The following SOX5 variants were observed in gnomAD, a reference collection of about 807,000 sequenced individuals.
SOX5 encodes SRY-box transcription factor 5.
A neutral mutation model predicts 92.0 loss-of-function variants in SOX5; 9 were observed. The ratio of observed to expected loss-of-function variants is 0.10; its 90% CI spans 0.06 to 0.17. The LOEUF is 0.17. Among genes scored for constraint, SOX5 ranks in the 10% least tolerant of loss-of-function variants. The pLI is 1.00. For synonymous variants in SOX5, 344 were observed against 336.3 expected (o/e 1.02, Z -0.25); for missense variants, 642 against 944.5 (o/e 0.68, Z 4.20).
intron 4 of SOX5, among the ~76,000 whole-genome samples, chr12:24,194,453 G>A (rs960312576): frequency 6.7e-6 from 1 of 150,368 alleles, no homozygotes; most frequent in Non-Finnish European, 1.5e-5. Context: ...AGGTAGGTAG[G>A]TAGAGAGATA....
chr12:23,665,687 T>G (rs888422696), intron 6 of SOX5, 123 bp from the exon 7 acceptor site: 1 of 1,129,526 alleles, frequency 8.9e-7, no homozygotes, highest in Non-Finnish European at 1.2e-6. Flanking sequence ...GCATAGAAGC[T>G]TGCTGGGATA....
At chr12:24,391,233 G>A (rs898744287) in intron 1 of SOX5, among the ~76,000 whole-genome samples, 3 of 151,994 alleles carry the variant, frequency 2.0e-5, no homozygotes, top group South Asian at 2.1e-4. Context: ...TTTGAAAAAC[G>A]TTTCTTCATG....
At chr12:24,327,489 A>G (rs1483148955) in intron 2 of SOX5, among the ~76,000 whole-genome samples, 1 of 137,876 alleles carries the variant, frequency 7.3e-6, no homozygotes, top group Non-Finnish European at 1.5e-5. Context: ...GATCTCGGCT[A>G]ACTGCAACCT....
chr12:24,401,084 C>A (rs539551686), intron 1 of SOX5, among the ~76,000 whole-genome samples: 30 of 152,196 alleles, frequency 2.0e-4, no homozygotes, highest in South Asian at 4.1e-4. Context: ...CCAGGCACGG[C>A]GGCTCATGCT....
At chr12:23,660,925 T>C (rs2082952260) in intron 7 of SOX5, among the ~76,000 whole-genome samples, 1 of 152,176 alleles carries the variant, frequency 6.6e-6, no homozygotes, top group African/African-American at 2.4e-5. Context: ...CTCTAAAATT[T>C]TAAAATATCC....
At chr12:23,825,119 T>C (rs1020529670) in intron 3 of SOX5, among the ~76,000 whole-genome samples, 7 of 152,098 alleles carry the variant, frequency 4.6e-5, no homozygotes, top group Admixed American at 2.0e-4. Flanking sequence ...CTCTCTGGCA[T>C]TCCAGGTGCC....
intron 7 of SOX5, among the ~76,000 whole-genome samples, chr12:23,650,008 G>A (rs150980208): frequency 2.6e-5 from 4 of 152,078 alleles, no homozygotes; most frequent in Non-Finnish European, 5.9e-5. Context: ...GGCCTTACAT[G>A]TTTTTTTGTT....
intron 4 of SOX5, among the ~76,000 whole-genome samples, chr12:24,023,907 A>G (rs1393555707): frequency 3.3e-5 from 5 of 152,020 alleles, no homozygotes; most frequent in Admixed American, 2.6e-4. Flanking sequence ...TATCTCTTTG[A>G]CAAGTGAGGA....
At chr12:24,377,161 C>T (rs1448322060) in intron 1 of SOX5, among the ~76,000 whole-genome samples, 1 of 152,202 alleles carries the variant, frequency 6.6e-6, no homozygotes, top group Non-Finnish European at 1.5e-5. Context: ...AAGCACACTG[C>T]TCTTATCCAT....
chr12:23,779,696 TTTCTGGCAAC>T (rs1346563152), intron 3 of SOX5, among the ~76,000 whole-genome samples: 2 of 150,366 alleles, frequency 1.3e-5, no homozygotes, highest in Non-Finnish European at 3.0e-5. Context: ...TTATTTCTGT[TTTCTGGCAAC>T]TTCTTTTGAT....
chr12:23,715,027 T>C (rs1232785205), intron 6 of SOX5, among the ~76,000 whole-genome samples: 1 of 151,806 alleles, frequency 6.6e-6, no homozygotes, highest in Non-Finnish European at 1.5e-5. Flanking sequence ...AAGCATAGAG[T>C]TTCCTATGTT....
At chr12:23,962,744 C>A (rs146715995) in intron 4 of SOX5, among the ~76,000 whole-genome samples, 57 of 152,174 alleles carry the variant, frequency 3.7e-4, no homozygotes, top group Non-Finnish European at 6.0e-4. Flanking sequence ...CCACTGTTGT[C>A]CTTTTCTTCT....
chr12:24,318,899 T>C (rs1595530380), intron 2 of SOX5, among the ~76,000 whole-genome samples: 1 of 152,194 alleles, frequency 6.6e-6, no homozygotes, highest in African/African-American at 2.4e-5. Context: ...TCAGTGACTA[T>C]TCTACAGATT....
At chr12:23,898,038 T>C (rs953370069) in intron 1 of SOX5, among the ~76,000 whole-genome samples, 8 of 152,168 alleles carry the variant, frequency 5.3e-5, no homozygotes, top group Admixed American at 2.6e-4. Context: ...ACACACTAAA[T>C]TGATATATTA....
At position 24,151,623 on chromosome 12, in the gene SOX5, G is replaced by T. The variant is rs531810819; in HGVS notation, c.-2+61720C>A. On this transcript the variant is annotated intron_variant, in intron 4 of 4. Transcript: ENST00000446891. ...AAATCTTGATGTGATAGCAGTGTCCGCAGGGAATCATATTAGTTGTTTGGT... is the reference window on the plus strand; with the variant it reads ...AAATCTTGATGTGATAGCAGTGTCCTCAGGGAATCATATTAGTTGTTTGGT... 2.6e-5 allele frequency among the ~76,000 whole-genome samples: 4 copies of T among 152,000 alleles called. No individual in the cohort carries two copies. The East Asian group carries it at 5.8e-4, about 22-fold the overall frequency.
intron 4 of SOX5, among the ~76,000 whole-genome samples, chr12:24,212,041 G>T (rs1369901515): frequency 1.3e-5 from 2 of 152,214 alleles, no homozygotes; most frequent in East Asian, 3.8e-4. Context: ...TCATTGAAGA[G>T]TGGTTCTTAA....
upstream of SOX5, among the ~76,000 whole-genome samples, chr12:23,955,521 C>T (rs571514082): frequency 1.1e-4 from 16 of 152,244 alleles, no homozygotes; most frequent in African/African-American, 2.4e-4. Flanking sequence ...TCCTTTGCAA[C>T]GGAATTTCTG....
intron 1 of SOX5, among the ~76,000 whole-genome samples, chr12:23,897,446 A>G (rs1213614554): frequency 6.6e-6 from 1 of 152,172 alleles, no homozygotes; most frequent in Non-Finnish European, 1.5e-5. Flanking sequence ...TAATTTCTCT[A>G]TCTCAACTTA....
intron 6 of SOX5, among the ~76,000 whole-genome samples, chr12:23,722,162 G>A (rs1040709187): frequency 2.0e-5 from 3 of 152,092 alleles, no homozygotes; most frequent in Admixed American, 6.5e-5. Context: ...ATTTTCAGAA[G>A]TTTCTATTTG....
Sources: allele counts gnomAD v4.1 joint callset (sites outside exome capture counted in the v4.1 genomes callset), GRCh38; gene constraint gnomAD v4.1.1; transcripts MANE v1.5; gene names NCBI Gene and HGNC (gene_info 2026-07-23, HGNC 2026-07-21).